MROH7: variants seen among roughly 807,000 people sequenced by gnomAD.
MROH7 encodes maestro heat like repeat family member 7.
A neutral mutation model predicts 129.2 loss-of-function variants in MROH7; 113 were observed. The ratio of observed to expected loss-of-function variants is 0.87; its 90% confidence interval spans 0.75 to 1.02. The LOEUF (loss-of-function observed/expected upper bound fraction) is 1.02, where lower values mean the gene tolerates loss of function less well. Ranked by LOEUF, MROH7 falls within the 50% of genes least tolerant of loss-of-function variation. MROH7 has a pLI of 0.00. For synonymous variants in MROH7, 655 were observed against 667.9 expected, an observed-to-expected ratio of 0.98 and a Z score of 0.30; for missense variants, 1,601 against 1,671.3, an observed-to-expected ratio of 0.96 and a Z score of 0.73.
At chr1:54,655,889 T>C (rs1319406091) in intron 3 of MROH7, among the ~76,000 whole-genome samples, 1 of 142,068 alleles carries the variant, frequency 7.0e-6, no homozygotes, top group Non-Finnish European at 1.5e-5. Flanking sequence ...AGATACTTTA[T>C]AGTATTTTTT....
chr1:54,675,936 G>A (rs983403249), intron 10 of MROH7, among the ~76,000 whole-genome samples: 4 of 151,840 alleles, frequency 2.6e-5, no homozygotes, highest in Admixed American at 6.6e-5. Flanking sequence ...GCACCCCGCC[G>A]AGGCAGCTCA....
chr1:54,678,827 G>A lies in MROH7; in HGVS notation c.2022G>A (p.Pro674=), dbSNP rs374424816. The change falls in exon 11 of 24, where the codon CCG becomes CCA. Residue 674 remains proline, a synonymous_variant. Transcript: ENST00000421030. ...HFLGPYNPVS[P]CQNILRVIEE... Reference sequence around the variant, plus strand: ...TGGGGCCCTACAACCCTGTGAGCCCGTGCCAGAACATTCTGCGGGTGATCG... The same window carrying A: ...TGGGGCCCTACAACCCTGTGAGCCCATGCCAGAACATTCTGCGGGTGATCG... The A allele has an allele frequency of 7.1e-5, 115 of 1,613,874 alleles. No homozygotes were observed. The Middle Eastern group carries it at 1.2e-3, about 16-fold the overall frequency.
At position 54,682,636 on chromosome 1, in the gene MROH7, C is replaced by T. The variant is rs751006735; in HGVS notation, c.2382-20C>T. The T allele has an allele frequency of 1.2e-6, 2 of 1,605,410 alleles. No individual in the cohort carries two copies. The highest frequency in any genetic ancestry group is 4.5e-5 in the East Asian group (2 of 44,518). The stretch of plus-strand genomic sequence containing the variant: ...CACTGCCTTGGCCACCACTAATTGC[C>T]CACATCCCTGACCTCTCAGCAATGG... On this transcript the variant is annotated intron_variant, in intron 13 of 23. Transcript: ENST00000421030.
chr1:54,668,150 G>A (rs2101100544), intron 4 of MROH7, among the ~76,000 whole-genome samples: 1 of 152,276 alleles, frequency 6.6e-6, no homozygotes, highest in South Asian at 2.1e-4. Flanking sequence ...GAGTTCCAGA[G>A]GGAAAAAGTG....
chr1:54,681,546 G>A (rs959515236), intron 13 of MROH7, among the ~76,000 whole-genome samples: 1 of 152,214 alleles, frequency 6.6e-6, no homozygotes, highest in Non-Finnish European at 1.5e-5. Context: ...TAGCAACATA[G>A]TTGACATACT....
intron 3 of MROH7, chr1:54,663,694 A>C (rs1339492066): frequency 1.3e-5 from 5 of 398,238 alleles, no homozygotes; most frequent in East Asian, 7.7e-5. Flanking sequence ...CTAAAAAAAA[A>C]AAAAAAACAA....
chr1:54,670,542 C>T lies in MROH7; in HGVS notation c.1435C>T (p.Arg479Cys), dbSNP rs774050707. ...ACTGGATTCTCTCTCAAGCTCCGTC[C>T]GCAAGCAGGCCATGGAGATCCTGAC... ...EPLDSLSSSV[R>C]KQAMEILTQL... Residue 479 changes from arginine to cysteine, a missense_variant, in exon 6 of 24, where the codon CGC becomes TGC. Transcript: ENST00000421030. 8.7e-6 allele frequency: 14 copies of T among 1,613,704 alleles called. No homozygotes were observed. The highest frequency in any genetic ancestry group is 6.7e-5 in the Admixed American group (4 of 59,968).
chr1:54,690,077 T>G (rs956126739), intron 15 of MROH7, among the ~76,000 whole-genome samples: 1 of 152,168 alleles, frequency 6.6e-6, no homozygotes, highest in Non-Finnish European at 1.5e-5. Flanking sequence ...TATTTCAAGG[T>G]GTCCCTTGCT....
intron 23 of MROH7, 74 bp downstream of exon 23, chr1:54,709,150 G>T (rs1645583366): frequency 1.4e-6 from 2 of 1,395,054 alleles, no homozygotes; most frequent in Admixed American, 3.4e-5. Flanking sequence ...GGGTAACAGG[G>T]AAAGGGAAGG....
In MROH7 at chr1:54,679,923, G is replaced by A. The variant is rs1054264833; in HGVS notation, c.2259G>A (p.Gln753=). 1.2e-6 allele frequency: 2 copies of A among 1,613,110 alleles called. No homozygotes were observed. The highest frequency in any genetic ancestry group is 1.7e-6 in the Non-Finnish European group (2 of 1,179,936). The change falls in exon 13 of 24, where the codon CAG becomes CAA. Residue 753 remains glutamine, a synonymous_variant. Transcript: ENST00000421030. The part of the protein sequence containing the change: ...IPEIMQGIYM[Q]LSHIQEPRAR... ...AAATCATGCAAGGCATCTACATGCA[G>A]CTGAGCCACATCCAGGAGCCTCGGG...
At chr1:54,654,579 G>A (rs892123914) in intron 3 of MROH7, among the ~76,000 whole-genome samples, 10 of 152,130 alleles carry the variant, frequency 6.6e-5, no homozygotes, top group South Asian at 2.1e-4. Flanking sequence ...AGGCTGAGGC[G>A]GGAGAATTGC....
At chr1:54,672,864 A>G (rs1471302710) in intron 7 of MROH7, among the ~76,000 whole-genome samples, 2 of 140,732 alleles carry the variant, frequency 1.4e-5, no homozygotes, top group African/African-American at 2.7e-5. Flanking sequence ...TCTTTAAGGT[A>G]GAAAGTGCAG....
chr1:54,651,810 C>CTCTCTCTCTCTCTG (rs148778686), intron 1 of MROH7, 139 bp from the exon 2 acceptor site: 3 of 141,634 alleles, frequency 2.1e-5, no homozygotes, highest in African/African-American at 8.4e-5. Context: ...CTCTCTCTCT[C>CTCTCTCTCTCTCTG]TGTGTGTGTG....
At chr1:54,676,463 G>A (rs931699254) in intron 10 of MROH7, among the ~76,000 whole-genome samples, 1 of 152,148 alleles carries the variant, frequency 6.6e-6, no homozygotes, top group African/African-American at 2.4e-5. Flanking sequence ...AGGCTGGATT[G>A]CAGTGGCACG....
rs762719422 is a variant in MROH7, at chr1:54,700,389, G to A, written c.3033G>A (p.Leu1011=). 16 of 1,613,884 alleles carry A rather than the reference G, an allele frequency of 9.9e-6. No homozygotes were observed. The Admixed American group carries it at 2.5e-4, about 25-fold the overall frequency. The change falls in exon 18 of 24, where the codon CTG becomes CTA. Residue 1011 remains leucine, a synonymous_variant. Transcript: ENST00000421030. ...EYSLGRMAEG[L]SHHDPIMKVL... ...CTCTGGGGCGGATGGCAGAAGGCCT[G>A]AGCCACCACGACCCCATCATGAAGG...
intron 3 of MROH7, among the ~76,000 whole-genome samples, chr1:54,660,766 G>A (rs1437126379): frequency 3.3e-5 from 5 of 151,990 alleles, no homozygotes; most frequent in Non-Finnish European, 7.4e-5. Context: ...GGTGAGCTGA[G>A]ATTGCACCAT....
chr1:54,644,358 C>A (rs1644431444), intron 1 of MROH7, among the ~76,000 whole-genome samples: 1 of 143,106 alleles, frequency 7.0e-6, no homozygotes, highest in Admixed American at 7.2e-5. Flanking sequence ...CCTTCCCTTT[C>A]TTTCTTTCCT....
chr1:54,660,678 G>T (rs1459961292), intron 3 of MROH7, among the ~76,000 whole-genome samples: 1 of 152,110 alleles, frequency 6.6e-6, no homozygotes, highest in Non-Finnish European at 1.5e-5. Context: ...AGCCAGACAT[G>T]GTGGCACATG....
chr1:54,699,229 TCTTC>T (rs1353560709), intron 17 of MROH7: 6 of 94,312 alleles, frequency 6.4e-5, no homozygotes, highest in East Asian at 4.6e-4. Flanking sequence ...CTTTCTCCTT[TCTTC>T]CTTCTTTCCC....
Sources: allele counts gnomAD v4.1 joint callset (sites outside exome capture counted in the v4.1 genomes callset), GRCh38; gene constraint gnomAD v4.1.1; transcripts MANE v1.5; gene names NCBI Gene and HGNC (gene_info 2026-07-23, HGNC 2026-07-21).